Variants in UBE2D3 observed in about 807,000 individuals in gnomAD.
The protein encoded by UBE2D3 is ubiquitin-conjugating enzyme E2 D3.
UBE2D3 carries 2 observed loss-of-function variants against 22.8 expected under a neutral mutation model. The ratio of observed to expected loss-of-function variants is 0.09; its 90% CI spans 0.04 to 0.28. UBE2D3 has a LOEUF of 0.28. Ranked by LOEUF, UBE2D3 falls within the 10% of genes least tolerant of loss-of-function variation. UBE2D3 has a pLI of 1.00. For synonymous variants in UBE2D3, 56 were observed against 60.4 expected (o/e 0.93, Z 0.34); for missense variants, 27 against 182.5 (o/e 0.15, Z 4.91).
chr4:102,809,636 C>T (rs1330653677), intron 4 of UBE2D3, 36 bp downstream of exon 4: 9 of 1,561,856 alleles, frequency 5.8e-6, no homozygotes, highest in Non-Finnish European at 7.8e-6. Context: ...GCTGGATTTT[C>T]ACTTAAAACT....
chr4:102,845,814 C>T (rs1490462056), intron 1 of UBE2D3, among the ~76,000 whole-genome samples: 1 of 152,074 alleles, frequency 6.6e-6, no homozygotes, highest in Non-Finnish European at 1.5e-5. Flanking sequence ...TTTTTTGAGA[C>T]AGAGTCTTGC....
chr4:102,827,911 G>T, upstream of UBE2D3: 1 of 985,578 alleles, frequency 1.0e-6, no homozygotes, highest in Non-Finnish European at 1.2e-6. Flanking sequence ...CCAGCCCCAC[G>T]CCCCTCCCCA....
At chr4:102,847,622 T>C (rs1447623693) in intron 1 of UBE2D3, among the ~76,000 whole-genome samples, 1 of 151,858 alleles carries the variant, frequency 6.6e-6, no homozygotes. Context: ...TTTATGTTTT[T>C]CTTTTTCTTA....
chr4:102,805,810 CAT>C (rs1467675178), intron 4 of UBE2D3, among the ~76,000 whole-genome samples: 1 of 152,166 alleles, frequency 6.6e-6, no homozygotes, highest in Non-Finnish European at 1.5e-5. Context: ...TTGGATATCT[CAT>C]GTCATGCGTC....
At chr4:102,810,935 G>GT (rs912598423) in intron 2 of UBE2D3, 1 of 151,926 alleles carries the variant, frequency 6.6e-6, no homozygotes, top group Non-Finnish European at 1.5e-5. Flanking sequence ...TTTCTCTTAA[G>GT]TTTAGTCTAT....
At chr4:102,818,914 T>C (rs887314391) in intron 2 of UBE2D3, among the ~76,000 whole-genome samples, 1 of 152,204 alleles carries the variant, frequency 6.6e-6, no homozygotes, top group Non-Finnish European at 1.5e-5. Flanking sequence ...CTCTATTCTC[T>C]ATCTTCCTCA....
intron 2 of UBE2D3, among the ~76,000 whole-genome samples, chr4:102,820,671 T>C (rs1464862428): frequency 6.6e-6 from 1 of 152,124 alleles, no homozygotes; most frequent in Non-Finnish European, 1.5e-5. Flanking sequence ...AACCCAAATT[T>C]AGATTTGAAG....
At chr4:102,801,711 A>G in intron 5 of UBE2D3, 152 bp from the exon 6 acceptor site, 3 of 604,008 alleles carry the variant, frequency 5.0e-6, no homozygotes, top group Non-Finnish European at 8.3e-6. Context: ...ATCTGACCAC[A>G]ACCCCCTGCC....
intron 1 of UBE2D3, among the ~76,000 whole-genome samples, chr4:102,845,068 C>T (rs1222242730): frequency 2.7e-5 from 4 of 146,128 alleles, no homozygotes; most frequent in Admixed American, 6.8e-5. Context: ...GCCAATATGA[C>T]GAAACCCCAT....
intron 1 of UBE2D3, among the ~76,000 whole-genome samples, chr4:102,841,848 C>T (rs1011563746): frequency 6.6e-6 from 1 of 152,142 alleles, no homozygotes; most frequent in South Asian, 2.1e-4. Flanking sequence ...ATATTTGGTC[C>T]ATTACTATAA....
At chr4:102,822,723 C>A (rs1034437752) in intron 2 of UBE2D3, among the ~76,000 whole-genome samples, 7 of 112,216 alleles carry the variant, frequency 6.2e-5, no homozygotes, top group Non-Finnish European at 1.3e-4. Context: ...ATCACGAGGT[C>A]AGGAGATCAA....
chr4:102,810,987 T>C (rs1178389530), intron 2 of UBE2D3: 1 of 152,216 alleles, frequency 6.6e-6, no homozygotes, highest in African/African-American at 2.4e-5. Context: ...GACTACTATA[T>C]CTTCTATATC....
chr4:102,823,404 G>C (rs1406806119), intron 2 of UBE2D3, among the ~76,000 whole-genome samples: 1 of 152,134 alleles, frequency 6.6e-6, no homozygotes, highest in African/African-American at 2.4e-5. Context: ...AAGATCAAAT[G>C]AGAGTTTTTT....
intron 4 of UBE2D3, among the ~76,000 whole-genome samples, chr4:102,803,036 C>CACTTGTACTGTTCACAA (rs1180815508): frequency 1.3e-5 from 2 of 152,176 alleles, no homozygotes; most frequent in African/African-American, 2.4e-5. Flanking sequence ...TCACAACAGT[C>CACTTGTACTGTTCACAA]CATTCTGCCC....
At position 102,827,072 on chromosome 4, in the gene UBE2D3, T is replaced by C. The variant is rs1260342454; in HGVS notation, c.-129+355A>G. The C allele has an allele frequency of 8.1e-6, 8 of 988,912 alleles. No homozygotes were observed. In the African/African-American group the frequency reaches 1.4e-4, roughly 17 times the overall value. The allele number at this position is 988,912 out of a possible 1,614,324, so 61.3% of individuals were successfully genotyped here. ...GGTGCGGCCGGGAAAAGGAAGGAAA[T>C]AAAGGAAGGGAGACTTGATGTGTAT... On this transcript the variant is annotated intron_variant, in intron 1 of 7. Coordinates refer to ENST00000453744, the MANE Select transcript of UBE2D3 (RefSeq NM_181891.3).
chr4:102,822,098 G>C (rs988787255), intron 2 of UBE2D3, among the ~76,000 whole-genome samples: 21 of 152,162 alleles, frequency 1.4e-4, no homozygotes, highest in African/African-American at 5.1e-4. Flanking sequence ...GTTTGACAGA[G>C]CAATCTAGTG....
At chr4:102,861,916 A>G (rs1484855414) in intron 1 of UBE2D3, among the ~76,000 whole-genome samples, 1 of 151,830 alleles carries the variant, frequency 6.6e-6, no homozygotes, top group East Asian at 1.9e-4. Flanking sequence ...TTGCTTGTTT[A>G]TTTATTTATT....
intron 4 of UBE2D3, among the ~76,000 whole-genome samples, chr4:102,805,786 T>C (rs961550764): frequency 1.3e-5 from 2 of 151,672 alleles, no homozygotes; most frequent in East Asian, 1.9e-4. Flanking sequence ...ATATTTCTAC[T>C]TGGATATCTC....
intron 2 of UBE2D3, 86 bp from the exon 3 acceptor site, chr4:102,809,941 C>A: frequency 1.5e-6 from 2 of 1,368,010 alleles, no homozygotes; most frequent in East Asian, 2.3e-5. Context: ...GTTACTTTCA[C>A]CCTATTTTTA....
Sources: allele counts gnomAD v4.1 joint callset (sites outside exome capture counted in the v4.1 genomes callset), GRCh38; gene constraint gnomAD v4.1.1; transcripts MANE v1.5; gene names NCBI Gene and HGNC (gene_info 2026-07-23, HGNC 2026-07-21).